Variants in DOCK4 observed in about 807,000 individuals in gnomAD.
DOCK4 encodes the protein dedicator of cytokinesis 4.
Under a neutral mutation model 268.1 loss-of-function variants are expected in DOCK4, and 97 were observed. The ratio of observed to expected loss-of-function variants is 0.36; its 90% confidence interval spans 0.31 to 0.43. The LOEUF is 0.43. DOCK4 is among the 20% of genes least tolerant of loss of function. The pLI, the probability that DOCK4 is intolerant of heterozygous loss-of-function variation, is 1.00. For synonymous variants in DOCK4, 954 were observed against 887.2 expected (o/e 1.08, Z -1.34); for missense variants, 2,145 against 2,455.7 (o/e 0.87, Z 2.67).
rs1310614644 is a variant in DOCK4 at position 112,122,351 on chromosome 7, A to G, written c.37+83751T>C. The stretch of plus-strand genomic sequence containing the variant: ...TCCTCTGTCCCCCCAACCTCTAGGA[A>G]CCACCATTCTACTTTCTGTTTCTTT... On this transcript the variant is annotated intron_variant, in intron 1 of 52. Coordinates refer to ENST00000428084, the MANE Select transcript of DOCK4 (RefSeq NM_001363540.2). 2.0e-5 allele frequency among the ~76,000 whole-genome samples: 3 copies of G among 152,274 alleles called. No homozygotes were observed. In the East Asian group the frequency reaches 5.8e-4, roughly 29 times the overall value.
chr7:111,910,426 G>A (rs1033464541), intron 13 of DOCK4, among the ~76,000 whole-genome samples: 1 of 152,160 alleles, frequency 6.6e-6, no homozygotes, highest in Non-Finnish European at 1.5e-5. Flanking sequence ...AATGTGACTC[G>A]CTGAAAAGAG....
intron 1 of DOCK4, among the ~76,000 whole-genome samples, chr7:112,181,237 T>C (rs1187913543): frequency 6.6e-6 from 1 of 152,156 alleles, no homozygotes; most frequent in African/African-American, 2.4e-5. Flanking sequence ...ATGCATCCCA[T>C]TTGACCCAGA....
chr7:112,076,196 G>GC lies in DOCK4; in HGVS notation c.38-72066_38-72065insG, dbSNP rs1048910270. Among the ~76,000 whole-genome samples the GC allele has an allele frequency of 2.2e-4, 34 of 152,030 alleles. No homozygotes were observed. The East Asian group carries it at 4.1e-3, about 18-fold the overall frequency. ...AATTTGAAGGTAAACAGTATGTTTT[G>GC]TTTTTTTACTTTTATATGCCCTTGA... is the stretch of plus-strand genomic sequence containing the variant. On this transcript the variant is annotated intron_variant, in intron 1 of 52. Coordinates refer to ENST00000428084, the MANE Select transcript of DOCK4 (RefSeq NM_001363540.2).
chr7:112,201,900 A>G (rs1487588363), intron 1 of DOCK4, among the ~76,000 whole-genome samples: 2 of 152,220 alleles, frequency 1.3e-5, no homozygotes, highest in Non-Finnish European at 2.9e-5. Flanking sequence ...ATATTTATGA[A>G]GTAAACTTCT....
At chr7:112,052,434 AT>A (rs1277205262) in intron 1 of DOCK4, among the ~76,000 whole-genome samples, 4 of 152,138 alleles carry the variant, frequency 2.6e-5, no homozygotes, top group African/African-American at 7.2e-5. Flanking sequence ...GTTTCATTGA[AT>A]ATTCTTTCCT....
chr7:111,746,814 C>CT (rs59197701), intron 43 of DOCK4, among the ~76,000 whole-genome samples: 24 of 110,912 alleles, frequency 2.2e-4, no homozygotes, highest in South Asian at 1.4e-3. Context: ...TCGGTCTTAT[C>CT]TTTTTTTTTT....
intron 1 of DOCK4, among the ~76,000 whole-genome samples, chr7:112,099,519 T>C (rs940542010): frequency 6.6e-6 from 1 of 152,220 alleles, no homozygotes; most frequent in Non-Finnish European, 1.5e-5. Flanking sequence ...AGTACTTCAC[T>C]GTAAGTCCCA....
intron 27 of DOCK4, among the ~76,000 whole-genome samples, chr7:111,814,781 G>A (rs1439582763): frequency 6.6e-6 from 1 of 152,166 alleles, no homozygotes; most frequent in East Asian, 1.9e-4. Flanking sequence ...TCTTATCAGG[G>A]CTGCCTTACC....
intron 23 of DOCK4, among the ~76,000 whole-genome samples, chr7:111,854,907 C>T (rs746753124): frequency 1.3e-5 from 2 of 152,190 alleles, no homozygotes; most frequent in Non-Finnish European, 2.9e-5. Context: ...TTCTCTATTT[C>T]ATTATAATTG....
At chr7:111,870,326 T>A (rs1806316018) in intron 20 of DOCK4, among the ~76,000 whole-genome samples, 1 of 147,316 alleles carries the variant, frequency 6.8e-6, no homozygotes, top group Non-Finnish European at 1.5e-5. Context: ...TTCTTTTCTT[T>A]TTTTTTTTTT....
intron 1 of DOCK4, among the ~76,000 whole-genome samples, chr7:112,011,858 C>T (rs1562990302): frequency 6.7e-6 from 1 of 148,878 alleles, no homozygotes; most frequent in Non-Finnish European, 1.5e-5. Context: ...TGGCAACAGC[C>T]AGTCAAAAGG....
intron 1 of DOCK4, among the ~76,000 whole-genome samples, chr7:112,151,500 C>T (rs1250153116): frequency 6.6e-6 from 1 of 152,090 alleles, no homozygotes; most frequent in Non-Finnish European, 1.5e-5. Context: ...ATTTTTAGTT[C>T]ACTGTGAAGG....
chr7:111,755,327 C>T (rs547135410), intron 42 of DOCK4, among the ~76,000 whole-genome samples, 188 bp downstream of exon 42: 1 of 152,076 alleles, frequency 6.6e-6, no homozygotes, highest in Admixed American at 6.6e-5. Context: ...TCCATCTGGA[C>T]ACATTAGGAT....
intron 1 of DOCK4, among the ~76,000 whole-genome samples, chr7:112,202,582 T>A (rs1821040878): frequency 6.6e-6 from 1 of 151,974 alleles, no homozygotes; most frequent in Non-Finnish European, 1.5e-5. Flanking sequence ...ACCATAAATA[T>A]ATACAGCTGG....
In DOCK4 at chr7:112,125,207, G is replaced by T. The variant is rs575609544; in HGVS notation, c.37+80895C>A. Reference sequence around the variant, plus strand: ...TTGTGAATTAAATTACAGTGTGTCGGGAAAATCATATGTTTTCAGAGACAA... The same window carrying T: ...TTGTGAATTAAATTACAGTGTGTCGTGAAAATCATATGTTTTCAGAGACAA... On this transcript the variant is annotated intron_variant, in intron 1 of 52. Transcript: ENST00000428084. Among the ~76,000 whole-genome samples, 9 of 152,140 alleles carry T rather than the reference G, an allele frequency of 5.9e-5. No homozygotes were observed. The South Asian group carries it at 1.9e-3, about 32-fold the overall frequency.
At chr7:111,926,506 G>A (rs1327345282) in intron 12 of DOCK4, among the ~76,000 whole-genome samples, 1 of 145,040 alleles carries the variant, frequency 6.9e-6, no homozygotes, top group Non-Finnish European at 1.5e-5. Context: ...AAGAAAAAAA[G>A]AAGGAAGAAA....
chr7:111,969,233 G>T (rs1341813056), intron 8 of DOCK4, among the ~76,000 whole-genome samples: 9 of 150,178 alleles, frequency 6.0e-5, no homozygotes, highest in Non-Finnish European at 8.9e-5. Flanking sequence ...AATTCACACA[G>T]CTGTACAAAC....
At chr7:112,181,023 G>A (rs983415503) in intron 1 of DOCK4, among the ~76,000 whole-genome samples, 1 of 152,194 alleles carries the variant, frequency 6.6e-6, no homozygotes, top group African/African-American at 2.4e-5. Context: ...AAGTGAGTAT[G>A]AGCAAGATTG....
chr7:112,164,639 C>G (rs1817428627), intron 1 of DOCK4, among the ~76,000 whole-genome samples: 1 of 152,172 alleles, frequency 6.6e-6, no homozygotes, highest in African/African-American at 2.4e-5. Context: ...TAGAATTAGT[C>G]AGAGAGCCTG....
Sources: allele counts gnomAD v4.1 joint callset (sites outside exome capture counted in the v4.1 genomes callset), GRCh38; gene constraint gnomAD v4.1.1; transcripts MANE v1.5; gene names NCBI Gene and HGNC (gene_info 2026-07-23, HGNC 2026-07-21).